AMER3: variants seen among roughly 807,000 people sequenced by gnomAD.
AMER3 encodes family with sequence similarity 123C.
For missense variants in AMER3, 1,201 were observed against 1,139.4 expected, an observed-to-expected ratio of 1.05 and a Z score of -0.78; for synonymous variants, 541 against 485.5, an observed-to-expected ratio of 1.11 and a Z score of -1.50.
At chr2:130,758,737 G>C (rs750266906) in intron 1 of AMER3, among the ~76,000 whole-genome samples, 1 of 152,204 alleles carries the variant, frequency 6.6e-6, no homozygotes, top group African/African-American at 2.4e-5. Flanking sequence ...GGGTAGGGAC[G>C]GGTCTGAACC....
intron 1 of AMER3, among the ~76,000 whole-genome samples, chr2:130,759,752 T>C (rs1678721830): frequency 6.6e-6 from 1 of 152,234 alleles, no homozygotes; most frequent in Non-Finnish European, 1.5e-5. Context: ...CAGAATCAGA[T>C]AGACCTGGGT....
chr2:130,757,666 C>T (rs115891057), intron 1 of AMER3, among the ~76,000 whole-genome samples: 2,041 of 152,318 alleles, frequency 0.013, 32 homozygotes, highest in African/African-American at 0.039. Flanking sequence ...TGTCCAATGT[C>T]TTTTGCCTGG....
In AMER3 at chr2:130,763,015, C is replaced by G. The variant is rs551366921; in HGVS notation, c.943C>G (p.Arg315Gly). The G allele has an allele frequency of 7.4e-6, 12 of 1,613,326 alleles. No homozygotes were observed. The highest frequency in any genetic ancestry group is 1.1e-5 in the South Asian group (1 of 91,078). The change falls in exon 2 of 2, where the codon CGC becomes GGC. Residue 315 changes from arginine (R) to glycine (G), a missense_variant. Physicochemically the swap from Arg to Gly is moderately radical, Grantham distance 125. Transcript: ENST00000321420. ...CACCAGGTTCTGGGACAGTGTGAAT[C>G]GCTCAGTGCGTCAGCAGCAGCGTGC... Reference protein sequence around the residue: ...DFTRFWDSVNRSVRQQQRALL... With the variant: ...DFTRFWDSVNGSVRQQQRALL...
chr2:130,764,181 TG>T lies in AMER3; in HGVS notation c.2112del (p.Leu705SerfsTer24). ...GGCCTCCAAGGCAAGACATGGGCAG[TG>T]GGCTCTTTGGGCAGCGCTGGGCCAG... ...AWPPRQDMGS[G>X]LFGQRWARGP... On this transcript the variant is annotated frameshift_variant, in exon 2 of 2. Coordinates refer to ENST00000321420, the MANE Select transcript of AMER3 (RefSeq NM_152698.3). LOFTEE classifies it low-confidence loss of function (END_TRUNC). 1 of 1,607,654 alleles carries T rather than the reference TG, an allele frequency of 6.2e-7. No homozygotes were observed. Among genetic ancestry groups the T allele is most frequent in the Non-Finnish European group, 8.5e-7 (1 of 1,176,520 alleles).
chr2:130,759,522 G>A (rs1400023588), intron 1 of AMER3, among the ~76,000 whole-genome samples: 1 of 152,088 alleles, frequency 6.6e-6, no homozygotes, highest in Non-Finnish European at 1.5e-5. Flanking sequence ...AAGAATAAGG[G>A]AAATAGAGAT....
chr2:130,756,186 T>A (rs1429677860), intron 1 of AMER3: 2 of 147,810 alleles, frequency 1.4e-5, no homozygotes, highest in Non-Finnish European at 3.0e-5. Context: ...CGCTGGCCTC[T>A]GGCGGCTTAA....
At position 130,760,687 on chromosome 2, in the gene AMER3, T is replaced by C. The variant is rs529657422; in HGVS notation, c.-19-1367T>C. On this transcript the variant is annotated intron_variant, in intron 1 of 1. Coordinates refer to ENST00000321420, the MANE Select transcript of AMER3 (RefSeq NM_152698.3). ...CCCTGGCAGACAGAGGTATTTTGGG[T>C]GATAGGAGCAGGCTGAGTCCAGGGC... Among the ~76,000 whole-genome samples, 412 of 152,084 alleles carry C rather than the reference T, an allele frequency of 2.7e-3. 2 individuals are homozygous for C. The highest frequency in any genetic ancestry group is 9.0e-3 in the African/African-American group (373 of 41,494).
intron 1 of AMER3, among the ~76,000 whole-genome samples, chr2:130,760,706 C>A (rs559470660): frequency 3.9e-5 from 6 of 152,110 alleles, no homozygotes; most frequent in Non-Finnish European, 7.4e-5. Context: ...CAGGCTGAGT[C>A]CAGGGCCTGA....
At position 130,764,270 on chromosome 2, in the gene AMER3, G is replaced by GC; in HGVS notation, c.2200dup (p.Leu734ProfsTer61). 2 of 1,609,930 alleles carry GC rather than the reference G, an allele frequency of 1.2e-6. No individual in the cohort carries two copies. Among genetic ancestry groups the GC allele is most frequent in the South Asian group, 1.1e-5 (1 of 90,536 alleles). ...TCCCCCAGCATGACCACCATCCATG[G>GC]CCTACCCTACTCAGCCAGCACACAG... is the stretch of plus-strand genomic sequence containing the variant. On this transcript the variant is annotated frameshift_variant, in exon 2 of 2. Coordinates refer to ENST00000321420, the MANE Select transcript of AMER3 (RefSeq NM_152698.3). LOFTEE classifies it low-confidence loss of function (END_TRUNC).
Position 130,763,284 on chromosome 2 carries a change from C to G in AMER3, c.1212C>G (p.Ser404Arg), listed in dbSNP as rs754418807. The change falls in exon 2 of 2, where the codon AGC becomes AGG. Residue 404 changes from serine to arginine, a missense_variant. Coordinates refer to ENST00000321420, the MANE Select transcript of AMER3 (RefSeq NM_152698.3). ...GLEEDKKEAE[S>R]PGTPAATFPR... Reference sequence around the variant, plus strand: ...AGGAGGACAAGAAGGAAGCTGAGAGCCCAGGCACTCCTGCCGCCACCTTCC... The same window carrying G: ...AGGAGGACAAGAAGGAAGCTGAGAGGCCAGGCACTCCTGCCGCCACCTTCC... 6.2e-7 allele frequency: 1 copy of G among 1,613,766 alleles called. No individual in the cohort carries two copies.
intron 1 of AMER3, among the ~76,000 whole-genome samples, chr2:130,756,823 C>A (rs1441769160): frequency 6.6e-6 from 1 of 151,724 alleles, no homozygotes; most frequent in African/African-American, 2.4e-5. Flanking sequence ...CCCACCCCCA[C>A]CCCAGAGCAC....
At chr2:130,759,699 C>A (rs1442026540) in intron 1 of AMER3, among the ~76,000 whole-genome samples, 1 of 152,172 alleles carries the variant, frequency 6.6e-6, no homozygotes, top group Non-Finnish European at 1.5e-5. Flanking sequence ...TTTTAGATTT[C>A]CCACAAAAGA....
In AMER3 at chr2:130,763,792, AC is replaced by A. The variant is rs1197895907; in HGVS notation, c.1722del (p.Thr575GlnfsTer109). 6.2e-7 allele frequency: 1 copy of A among 1,608,008 alleles called. No homozygotes were observed. The highest frequency in any genetic ancestry group is 1.7e-5 in the Admixed American group (1 of 59,434). On this transcript the variant is annotated frameshift_variant, in exon 2 of 2. Coordinates refer to ENST00000321420, the MANE Select transcript of AMER3 (RefSeq NM_152698.3). LOFTEE classifies it low-confidence loss of function (END_TRUNC). ...GCAGGAGCTGTGGGCACACCCGGGCACCACAGGCCTGCTCGCCGGAGAGAGC... is the reference window on the plus strand; with the variant it reads ...GCAGGAGCTGTGGGCACACCCGGGCACACAGGCCTGCTCGCCGGAGAGAGC... The part of the protein sequence containing the change: ...SRQELWAHPG[T>X]TGLLAGESKA...
intron 1 of AMER3, among the ~76,000 whole-genome samples, chr2:130,760,239 G>C (rs924264733): frequency 2.6e-5 from 4 of 152,212 alleles, no homozygotes; most frequent in African/African-American, 9.6e-5. Flanking sequence ...CCAAAAGTCT[G>C]AGGTGCTTCC....
chr2:130,756,178 C>T (rs1200192782), intron 1 of AMER3: 1 of 147,920 alleles, frequency 6.8e-6, no homozygotes, highest in Non-Finnish European at 1.5e-5. Flanking sequence ...GCCCCTCCCG[C>T]TGGCCTCTGG....
At chr2:130,761,609 C>T (rs1678781655) in intron 1 of AMER3, among the ~76,000 whole-genome samples, 1 of 152,208 alleles carries the variant, frequency 6.6e-6, no homozygotes, top group Admixed American at 6.5e-5. Flanking sequence ...CTGCCTTCAG[C>T]CCAGGAAGCA....
In AMER3 at chr2:130,764,478, G is replaced by C; in HGVS notation, c.2406G>C (p.Arg802=). The C allele has an allele frequency of 6.3e-7, 1 of 1,599,000 alleles. No homozygotes were observed. Among genetic ancestry groups the C allele is most frequent in the East Asian group, 2.3e-5 (1 of 44,282 alleles). Residue 802 remains arginine (R), a synonymous_variant, in exon 2 of 2, where the codon CGG becomes CGC. Transcript: ENST00000321420. ...DSEPRSAPAA[R]WSSQGHHPES... The stretch of plus-strand genomic sequence containing the variant: ...AGCCCCGCTCAGCCCCTGCTGCCCG[G>C]TGGAGTTCCCAGGGCCACCATCCAG...
At position 130,762,572 on chromosome 2, in the gene AMER3, G is replaced by A. The variant is rs147594621; in HGVS notation, c.500G>A (p.Arg167Gln). ...TGCTTTCGGAACCTATTCCACATTC[G>A]GAGAAACAAGACTGAGGACTTGGCC... is the stretch of plus-strand genomic sequence containing the variant. ...KKCFRNLFHI[R>Q]RNKTEDLASL... Residue 167 changes from arginine to glutamine, a missense_variant, in exon 2 of 2, where the codon CGG becomes CAG. Arg to Gln is a conservative substitution (Grantham distance 43). Transcript: ENST00000321420. 28 of 1,613,234 alleles carry A rather than the reference G, an allele frequency of 1.7e-5. No homozygotes were observed. Among genetic ancestry groups the A allele is most frequent in the Middle Eastern group, 1.6e-4 (1 of 6,084 alleles).
chr2:130,767,780 T>C lies in AMER3; in HGVS notation c.*3122T>C, dbSNP rs1357137715. The stretch of plus-strand genomic sequence containing the variant: ...AACCTCAATGCAGTTGTCAGCCCCA[T>C]TTTTCAGACCTGGACACGGAGGCAC... On this transcript the variant is annotated 3_prime_UTR_variant, in exon 2 of 2. Coordinates refer to ENST00000321420, the MANE Select transcript of AMER3 (RefSeq NM_152698.3). The C allele has an allele frequency of 2.4e-5, 4 of 167,208 alleles. No individual in the cohort carries two copies. The East Asian group carries it at 5.8e-4, about 24-fold the overall frequency. The allele number at this position is 167,208 out of a possible 1,614,324, so 10.4% of individuals were successfully genotyped here. A position where few individuals can be genotyped will look rare whatever the true frequency, so the allele number is the denominator to read the frequency against.
Sources: gnomAD v4.1 joint callset for allele counts (sites outside exome capture counted in the v4.1 genomes callset) on GRCh38, gnomAD v4.1.1 for gene constraint, MANE v1.5 for transcripts, NCBI Gene and HGNC (gene_info 2026-07-23, HGNC 2026-07-21) for gene names.